Variants in RSRC1 observed in about 807,000 individuals in gnomAD.
RSRC1 encodes arginine and serine rich coiled-coil 1.
In RSRC1, 39 loss-of-function variants were observed where a neutral mutation model predicts 49.1. The observed-to-expected ratio is 0.79, with a 90% CI of 0.61 to 1.04. The LOEUF (loss-of-function observed/expected upper bound fraction) is 1.04, where lower values mean the gene tolerates loss of function less well. Among genes scored for constraint, RSRC1 ranks in the 50% least tolerant of loss-of-function variants. RSRC1 has a pLI of 0.00. For missense variants in RSRC1, 388 were observed against 402.4 expected (o/e 0.96, Z 0.31); for synonymous variants, 143 against 130.8 (o/e 1.09, Z -0.63).
At chr3:158,119,384 C>A (rs1350807615) in intron 1 of RSRC1, among the ~76,000 whole-genome samples, 7 of 152,122 alleles carry the variant, frequency 4.6e-5, no homozygotes, top group Non-Finnish European at 8.8e-5. Context: ...CTGTTGTTTT[C>A]TAGTCTCTAT....
chr3:158,370,498 G>A (rs1221791382), intron 6 of RSRC1, among the ~76,000 whole-genome samples: 1 of 151,860 alleles, frequency 6.6e-6, no homozygotes, highest in African/African-American at 2.4e-5. Context: ...TGTTGTAAAT[G>A]GAATCATATA....
intron 7 of RSRC1, among the ~76,000 whole-genome samples, chr3:158,532,902 T>C (rs1304398151): frequency 6.6e-6 from 1 of 151,786 alleles, no homozygotes; most frequent in Non-Finnish European, 1.5e-5. Flanking sequence ...ACTGTGTGTG[T>C]TGGGCATTTA....
chr3:158,341,229 A>AC (rs200956977), intron 5 of RSRC1, among the ~76,000 whole-genome samples: 2,461 of 152,238 alleles, frequency 0.016, 64 homozygotes, highest in African/African-American at 0.056. Flanking sequence ...AAGGAGCCTC[A>AC]TGTTAATCCC....
intron 5 of RSRC1, among the ~76,000 whole-genome samples, chr3:158,330,546 T>C (rs1366043630): frequency 6.6e-6 from 1 of 152,198 alleles, no homozygotes; most frequent in Non-Finnish European, 1.5e-5. Flanking sequence ...TGTCATTGTT[T>C]TCAATAGGTA....
intron 6 of RSRC1, among the ~76,000 whole-genome samples, chr3:158,398,992 G>A (rs1027081336): frequency 4.0e-5 from 6 of 151,604 alleles, no homozygotes; most frequent in Admixed American, 3.3e-4. Context: ...GTGTGTGTGT[G>A]TGTATTTGAA....
intron 7 of RSRC1, among the ~76,000 whole-genome samples, chr3:158,525,582 A>G (rs1245671581): frequency 6.6e-6 from 1 of 152,004 alleles, no homozygotes; most frequent in Non-Finnish European, 1.5e-5. Context: ...AAATAAAAAC[A>G]TGTTCACACA....
chr3:158,241,068 GAA>G (rs1286799865), intron 4 of RSRC1, among the ~76,000 whole-genome samples: 1 of 152,066 alleles, frequency 6.6e-6, no homozygotes, highest in African/African-American at 2.4e-5. Flanking sequence ...GTATGTATAG[GAA>G]AAGACATAGT....
intron 1 of RSRC1, among the ~76,000 whole-genome samples, chr3:158,118,162 C>A (rs1374952375): frequency 3.9e-5 from 6 of 152,026 alleles, no homozygotes; most frequent in African/African-American, 9.7e-5. Flanking sequence ...GTTGGCGGGG[C>A]TGGTCTCAAA....
intron 3 of RSRC1, among the ~76,000 whole-genome samples, chr3:158,149,892 A>C (rs1717419368): frequency 6.6e-6 from 1 of 151,626 alleles, no homozygotes; most frequent in South Asian, 2.1e-4. Context: ...ATAACCCTGT[A>C]ACACAATTTT....
At chr3:158,350,899 C>T (rs1385197628) in intron 5 of RSRC1, among the ~76,000 whole-genome samples, 2 of 151,930 alleles carry the variant, frequency 1.3e-5, no homozygotes, top group Non-Finnish European at 2.9e-5. Flanking sequence ...CACGCAGGCC[C>T]CAAAGGTATT....
intron 7 of RSRC1, among the ~76,000 whole-genome samples, chr3:158,516,847 T>G (rs1167368562): frequency 6.6e-6 from 1 of 152,122 alleles, no homozygotes; most frequent in Non-Finnish European, 1.5e-5. Flanking sequence ...CAGGTGGGAG[T>G]GACCCGATTT....
chr3:158,425,947 T>C (rs1210159499), intron 6 of RSRC1, among the ~76,000 whole-genome samples: 1 of 151,720 alleles, frequency 6.6e-6, no homozygotes, highest in Non-Finnish European at 1.5e-5. Flanking sequence ...GTAATTAAAA[T>C]GGTGTCATCA....
At chr3:158,244,921 T>C (rs1256662652) in intron 4 of RSRC1, among the ~76,000 whole-genome samples, 1 of 151,976 alleles carries the variant, frequency 6.6e-6, no homozygotes, top group Non-Finnish European at 1.5e-5. Flanking sequence ...TAAAGGTCTT[T>C]ATAGTATTCT....
intron 7 of RSRC1, among the ~76,000 whole-genome samples, chr3:158,510,390 C>T (rs1378823208): frequency 6.6e-6 from 1 of 151,800 alleles, no homozygotes; most frequent in Admixed American, 6.6e-5. Flanking sequence ...TTTATTAGTC[C>T]TTTTATGTTT....
At chr3:158,222,566 T>G (rs1294028033) in intron 4 of RSRC1, among the ~76,000 whole-genome samples, 1 of 151,568 alleles carries the variant, frequency 6.6e-6, no homozygotes, top group East Asian at 1.9e-4. Flanking sequence ...TATTATTAGC[T>G]TTATGCCCCA....
At position 158,369,310 on chromosome 3, in the gene RSRC1, AT is replaced by A. The variant is rs1731943483; in HGVS notation, c.583+14403del. 2.0e-5 allele frequency among the ~76,000 whole-genome samples: 3 copies of A among 152,144 alleles called. No homozygotes were observed. The South Asian group carries it at 6.2e-4, about 31-fold the overall frequency. On this transcript the variant is annotated intron_variant, in intron 6 of 9. Transcript: ENST00000611884. ...TTATATTAGGATTCAATTCTAAAATATGTGCACATTGCCAAGAAGGAACTGT... is the reference window on the plus strand; with the variant it reads ...TTATATTAGGATTCAATTCTAAAATAGTGCACATTGCCAAGAAGGAACTGT...
intron 6 of RSRC1, among the ~76,000 whole-genome samples, chr3:158,377,724 A>G (rs1314355050): frequency 6.7e-6 from 1 of 149,266 alleles, no homozygotes; most frequent in Admixed American, 6.7e-5. Flanking sequence ...CAGTGGTGCT[A>G]TCTTGGCTCA....
chr3:158,331,590 C>T (rs1729548346), intron 5 of RSRC1, among the ~76,000 whole-genome samples: 1 of 152,020 alleles, frequency 6.6e-6, no homozygotes, highest in Non-Finnish European at 1.5e-5. Context: ...TTCAGCCCTT[C>T]TCCCATGTGA....
At chr3:158,160,523 A>C (rs1471919902) in intron 3 of RSRC1, among the ~76,000 whole-genome samples, 3 of 152,206 alleles carry the variant, frequency 2.0e-5, no homozygotes, top group Non-Finnish European at 4.4e-5. Flanking sequence ...TTTCCTGTAG[A>C]AAAATAAATT....
Sources: allele counts gnomAD v4.1 joint callset (sites outside exome capture counted in the v4.1 genomes callset), GRCh38; gene constraint gnomAD v4.1.1; transcripts MANE v1.5; gene names NCBI Gene and HGNC (gene_info 2026-07-23, HGNC 2026-07-21).